Variants in TRPM6 observed in about 807,000 individuals in gnomAD.
TRPM6 encodes transient receptor potential cation channel subfamily M member 6, also known as channel kinase 2.
Under a neutral mutation model 247.6 loss-of-function variants are expected in TRPM6, and 111 were observed. That is an observed-to-expected ratio of 0.45 (90% CI 0.38 to 0.52). The LOEUF (loss-of-function observed/expected upper bound fraction) is 0.52, where lower values mean the gene tolerates loss of function less well. Ranked by LOEUF, TRPM6 falls within the 20% of genes least tolerant of loss-of-function variation. The pLI, the probability that TRPM6 is intolerant of heterozygous loss-of-function variation, is 0.00. For synonymous variants in TRPM6, 892 were observed against 853.8 expected (o/e 1.04, Z -0.78); for missense variants, 2,126 against 2,421.5 (o/e 0.88, Z 2.56).
chr9:74,799,025 T>A (rs1309674075), intron 17 of TRPM6, among the ~76,000 whole-genome samples: 1 of 152,202 alleles, frequency 6.6e-6, no homozygotes, highest in Non-Finnish European at 1.5e-5. Flanking sequence ...TGAACTTATG[T>A]AGCTAGAGGT....
chr9:74,864,898 C>T (rs1830796360), intron 1 of TRPM6, among the ~76,000 whole-genome samples: 1 of 151,846 alleles, frequency 6.6e-6, no homozygotes, highest in Admixed American at 6.6e-5. Context: ...ATGATGAAAC[C>T]CTGTCTCTAC....
intron 3 of TRPM6, among the ~76,000 whole-genome samples, chr9:74,851,028 C>G (rs1387093016): frequency 2.6e-5 from 4 of 152,160 alleles, no homozygotes; most frequent in African/African-American, 7.2e-5. Context: ...TAAGGCAGTT[C>G]TTTAGTGCAA....
chr9:74,758,725 G>A (rs182245597), intron 27 of TRPM6, among the ~76,000 whole-genome samples: 1 of 152,214 alleles, frequency 6.6e-6, no homozygotes, highest in Non-Finnish European at 1.5e-5. Context: ...AACAGACACA[G>A]GAAAAGATAT....
chr9:74,852,979 G>A (rs998665236), intron 3 of TRPM6, among the ~76,000 whole-genome samples: 18 of 151,862 alleles, frequency 1.2e-4, no homozygotes, highest in African/African-American at 4.1e-4. Context: ...GAGCCTCTCT[G>A]CCTGGCCGCC....
chr9:74,774,978 C>G (rs1386697625), intron 24 of TRPM6, among the ~76,000 whole-genome samples: 1 of 152,076 alleles, frequency 6.6e-6, no homozygotes, highest in East Asian at 1.9e-4. Context: ...GCATTTATGC[C>G]CCCTGCTTCC....
At chr9:74,848,415 C>A (rs139901956) in intron 3 of TRPM6, among the ~76,000 whole-genome samples, 25 of 152,270 alleles carry the variant, frequency 1.6e-4, no homozygotes, top group African/African-American at 6.0e-4. Flanking sequence ...AGGAATGATT[C>A]GTGTCCTAGG....
intron 3 of TRPM6, among the ~76,000 whole-genome samples, chr9:74,851,866 G>T (rs962347210): frequency 6.0e-5 from 9 of 149,856 alleles, no homozygotes; most frequent in Non-Finnish European, 8.9e-5. Flanking sequence ...GTCCAGGTGC[G>T]GTGGCTCCCA....
chr9:74,747,829 G>A lies in TRPM6; in HGVS notation c.5083+60C>T, dbSNP rs573414853. 1.0e-5 allele frequency: 14 copies of A among 1,366,458 alleles called. No individual in the cohort carries two copies. The South Asian group carries it at 1.7e-4, about 17-fold the overall frequency. 84.6% of individuals were successfully genotyped at this position (1,366,458 alleles called of 1,614,324 possible). On this transcript the variant is annotated intron_variant, in intron 31 of 38. Transcript: ENST00000360774. ...ATGACAAAAATATCAGCAGGACAGT[G>A]AACCTCGCATTAAAAAGATGAAAAA...
At position 74,792,684 on chromosome 9, in the gene TRPM6, C is replaced by T. The variant is rs375316759; in HGVS notation, c.2478G>A (p.Pro826=). The change falls in exon 19 of 39, where the codon CCG becomes CCA. Residue 826 remains proline, a synonymous_variant. Transcript: ENST00000360774. The stretch of plus-strand genomic sequence containing the variant: ...AGAACTCATAGACTTTCCTGGTCCA[C>T]GGAAGGTGTTGGTGCCCACTTTCCA... ...FGLESGHQHL[P]WTRKVYEFYS... The T allele has an allele frequency of 2.4e-5, 39 of 1,614,016 alleles. No homozygotes were observed. Among genetic ancestry groups the T allele is most frequent in the African/African-American group, 1.6e-4 (12 of 75,044 alleles).
chr9:74,801,298 G>A (rs60049250), intron 16 of TRPM6, among the ~76,000 whole-genome samples: 1,577 of 132,434 alleles, frequency 0.012, 26 homozygotes, highest in African/African-American at 0.041. Flanking sequence ...TCACTCTGTC[G>A]CCAGGCTGGA....
At chr9:74,852,223 C>T (rs1382091940) in intron 3 of TRPM6, among the ~76,000 whole-genome samples, 1 of 151,774 alleles carries the variant, frequency 6.6e-6, no homozygotes, top group African/African-American at 2.4e-5. Flanking sequence ...AAAATGTTTA[C>T]TTTTTCTTTT....
intron 27 of TRPM6, among the ~76,000 whole-genome samples, 186 bp downstream of exon 27, chr9:74,761,510 G>T (rs1044109470): frequency 6.6e-6 from 1 of 152,092 alleles, no homozygotes; most frequent in African/African-American, 2.4e-5. Flanking sequence ...AGAGGTTCAA[G>T]GTCAGCCTGG....
Position 74,802,222 on chromosome 9 carries a change from T to C in TRPM6, c.1732-47A>G, listed in dbSNP as rs755402623. The C allele has an allele frequency of 3.2e-6, 5 of 1,571,362 alleles. No individual in the cohort carries two copies. The African/African-American group carries it at 5.4e-5, about 17-fold the overall frequency. On this transcript the variant is annotated intron_variant, in intron 15 of 38. Transcript: ENST00000360774. Reference sequence around the variant, plus strand: ...ATGAGTTTTCAAATACTCAGATGTATGATGTTTTACCTAATTCAACACAGC... The same window carrying C: ...ATGAGTTTTCAAATACTCAGATGTACGATGTTTTACCTAATTCAACACAGC...
chr9:74,810,738 G>T, intron 13 of TRPM6, 77 bp downstream of exon 13: 1 of 1,354,510 alleles, frequency 7.4e-7, no homozygotes, highest in Non-Finnish European at 1.1e-6. Flanking sequence ...ATTTTACAAA[G>T]CAAAATTCAG....
At chr9:74,828,631 CT>C (rs71497362) in intron 6 of TRPM6, among the ~76,000 whole-genome samples, 359 of 138,508 alleles carry the variant, frequency 2.6e-3, no homozygotes, top group Admixed American at 9.5e-3. Context: ...TCCTTTCTTT[CT>C]TTTTTTTTTT....
At chr9:74,800,616 CT>C (rs1294831250) in intron 16 of TRPM6, 134 bp from the exon 17 acceptor site, 36 of 625,316 alleles carry the variant, frequency 5.8e-5, no homozygotes, top group African/African-American at 4.7e-4. Context: ...ATAAGGCTTC[CT>C]TTAAAAAAAA....
In TRPM6 at chr9:74,740,071, A is replaced by G. The variant is rs556103532; in HGVS notation, c.5201-62T>C. ...TTGCCATGTCTGTGACATGAATAGT[A>G]TCCTAAATATCAATGCAGAATCAGT... is the stretch of plus-strand genomic sequence containing the variant. On this transcript the variant is annotated intron_variant, in intron 33 of 38. Coordinates refer to ENST00000360774, the MANE Select transcript of TRPM6 (RefSeq NM_017662.5). 1.1e-4 allele frequency: 179 copies of G among 1,559,048 alleles called. 1 individual carries two copies. The South Asian group carries it at 1.9e-3, about 16-fold the overall frequency.
intron 3 of TRPM6, among the ~76,000 whole-genome samples, chr9:74,854,841 G>A (rs1830473819): frequency 6.6e-6 from 1 of 151,946 alleles, no homozygotes. Flanking sequence ...AATTTTTTGG[G>A]TTTTGTTTTT....
chr9:74,825,608 T>C (rs554165639), intron 7 of TRPM6, among the ~76,000 whole-genome samples: 2 of 152,218 alleles, frequency 1.3e-5, no homozygotes, highest in South Asian at 4.2e-4. Context: ...AGATAAATCC[T>C]AGGTTTCAAG....
Sources: allele counts gnomAD v4.1 joint callset (sites outside exome capture counted in the v4.1 genomes callset), GRCh38; gene constraint gnomAD v4.1.1; transcripts MANE v1.5; gene names NCBI Gene and HGNC (gene_info 2026-07-23, HGNC 2026-07-21).